The following MCUB variants were observed in gnomAD, a reference collection of about 807,000 sequenced individuals.
The protein encoded by MCUB is mitochondrial calcium uniporter dominant negative subunit beta.
MCUB carries 46 observed loss-of-function variants against 41.4 expected under a neutral mutation model. The observed-to-expected ratio is 1.11, with a 90% confidence interval of 0.88 to 1.42. The LOEUF (loss-of-function observed/expected upper bound fraction) is 1.42, where lower values mean the gene tolerates loss of function less well. Among genes scored for constraint, MCUB ranks in the 40% most tolerant of loss-of-function variants. The pLI is 0.00. For missense variants in MCUB, 403 were observed against 404.9 expected, an observed-to-expected ratio of 1.00 and a Z score of 0.04; for synonymous variants, 148 against 148.2, an observed-to-expected ratio of 1.00 and a Z score of 0.01.
rs1014807534 is a variant in MCUB, at chr4:109,674,635, A to G, written c.452-7947A>G. Among the ~76,000 whole-genome samples the G allele has an allele frequency of 3.9e-5, 6 of 152,342 alleles. 1 individual carries two copies. The highest frequency in any genetic ancestry group is 8.8e-5 in the Non-Finnish European group (6 of 68,042). ...TGACAATATATGTGCATGTGTTTAA[A>G]CCAAATCCAGAAAGCTTAAACAATA... On this transcript the variant is annotated intron_variant, in intron 4 of 7. Transcript: ENST00000394650.
chr4:109,623,385 TG>T (rs1433418435), intron 1 of MCUB, among the ~76,000 whole-genome samples: 2 of 152,140 alleles, frequency 1.3e-5, no homozygotes, highest in African/African-American at 4.8e-5. Context: ...TATACACAAG[TG>T]TTTATGGCAA....
At chr4:109,614,587 AT>A (rs1356583971) in intron 1 of MCUB, among the ~76,000 whole-genome samples, 6 of 151,112 alleles carry the variant, frequency 4.0e-5, no homozygotes, top group African/African-American at 1.5e-4. Flanking sequence ...ACTGTGAGAA[AT>A]AAATTTCTGT....
intron 1 of MCUB, among the ~76,000 whole-genome samples, chr4:109,606,896 G>A (rs557076213): frequency 6.6e-6 from 1 of 152,006 alleles, no homozygotes; most frequent in African/African-American, 2.4e-5. Context: ...ACAGGCACCT[G>A]CCACCACGCC....
rs905421054 is a variant in MCUB at position 109,599,715 on chromosome 4, G to A, written c.99+39279G>A. Among the ~76,000 whole-genome samples the A allele has an allele frequency of 4.6e-5, 7 of 151,912 alleles. No individual in the cohort carries two copies. The South Asian group carries it at 1.3e-3, about 27-fold the overall frequency. ...AGACAGAATCTCGCTCTGTCGCCCA[G>A]GCTGGAACAGTGGCACAATCTTGGC... On this transcript the variant is annotated intron_variant, in intron 1 of 7. Coordinates refer to ENST00000394650, the MANE Select transcript of MCUB (RefSeq NM_017918.5).
At chr4:109,672,620 G>C (rs1202302159) in intron 4 of MCUB, among the ~76,000 whole-genome samples, 1 of 152,220 alleles carries the variant, frequency 6.6e-6, no homozygotes, top group African/African-American at 2.4e-5. Context: ...GAGGTGCTGA[G>C]CATCTACTGG....
intron 1 of MCUB, among the ~76,000 whole-genome samples, chr4:109,642,120 A>G (rs1728728147): frequency 6.6e-6 from 1 of 152,196 alleles, no homozygotes; most frequent in Non-Finnish European, 1.5e-5. Flanking sequence ...CCTGAAACAT[A>G]TGATTTTGAA....
chr4:109,670,172 G>A (rs1280484707), intron 4 of MCUB, among the ~76,000 whole-genome samples: 1 of 152,140 alleles, frequency 6.6e-6, no homozygotes, highest in African/African-American at 2.4e-5. Context: ...GGTATGGAGG[G>A]GAAGTGTTCT....
At chr4:109,628,108 G>C (rs1728401132) in intron 1 of MCUB, among the ~76,000 whole-genome samples, 1 of 152,130 alleles carries the variant, frequency 6.6e-6, no homozygotes, top group African/African-American at 2.4e-5. Flanking sequence ...GGTCAGGAGA[G>C]GCCCTCTTGA....
chr4:109,625,968 G>A (rs1728351680), intron 1 of MCUB, among the ~76,000 whole-genome samples: 1 of 152,156 alleles, frequency 6.6e-6, no homozygotes, highest in African/African-American at 2.4e-5. Context: ...TTCGTCCTCA[G>A]TGTTAAAGCT....
chr4:109,602,326 A>G (rs1297996251), intron 1 of MCUB, among the ~76,000 whole-genome samples: 1 of 152,180 alleles, frequency 6.6e-6, no homozygotes, highest in African/African-American at 2.4e-5. Flanking sequence ...GTTTTCTTGT[A>G]GTAGTTTTGT....
intron 5 of MCUB, 192 bp downstream of exon 5, chr4:109,682,934 C>T (rs553298161): frequency 6.2e-5 from 32 of 512,466 alleles, no homozygotes; most frequent in Admixed American, 1.7e-4. Flanking sequence ...AGAGCTGTAT[C>T]GCTAATACAT....
intron 1 of MCUB, among the ~76,000 whole-genome samples, chr4:109,631,578 A>G (rs1728475448): frequency 6.6e-6 from 1 of 152,232 alleles, no homozygotes; most frequent in Admixed American, 6.5e-5. Flanking sequence ...AAGGAAAAAA[A>G]GAGGAAGTAT....
chr4:109,576,507 A>AT (rs1461226411), intron 1 of MCUB, among the ~76,000 whole-genome samples: 2 of 146,720 alleles, frequency 1.4e-5, no homozygotes, highest in East Asian at 4.0e-4. Flanking sequence ...GTAGAAAAAG[A>AT]TAACATTTGC....
intron 1 of MCUB, among the ~76,000 whole-genome samples, chr4:109,590,583 G>A (rs1579053458): frequency 6.6e-6 from 1 of 152,166 alleles, no homozygotes; most frequent in Non-Finnish European, 1.5e-5. Flanking sequence ...AAAAACAGCG[G>A]ACTTCCATGC....
chr4:109,598,452 C>T (rs1191566498), intron 1 of MCUB, among the ~76,000 whole-genome samples: 5 of 152,250 alleles, frequency 3.3e-5, no homozygotes, highest in African/African-American at 1.2e-4. Flanking sequence ...GAAAACCAGT[C>T]AGGCGTGGCA....
At chr4:109,673,799 G>A in intron 4 of MCUB, 1 of 655,198 alleles carries the variant, frequency 1.5e-6, no homozygotes, top group Non-Finnish European at 2.8e-6. Context: ...CGGTTGGCGG[G>A]TGAGAGGTTT....
At chr4:109,645,791 C>A (rs1728822229) in intron 1 of MCUB, among the ~76,000 whole-genome samples, 1 of 152,172 alleles carries the variant, frequency 6.6e-6, no homozygotes, top group Non-Finnish European at 1.5e-5. Context: ...ACCATCTCTT[C>A]CTTCCCTCCT....
At chr4:109,625,514 G>C (rs1021629624) in intron 1 of MCUB, among the ~76,000 whole-genome samples, 5 of 152,216 alleles carry the variant, frequency 3.3e-5, no homozygotes, top group African/African-American at 1.2e-4. Flanking sequence ...CTGTAGGCTA[G>C]TGTAAGCATG....
intron 1 of MCUB, among the ~76,000 whole-genome samples, chr4:109,583,020 T>C (rs921537829): frequency 6.6e-6 from 1 of 152,184 alleles, no homozygotes; most frequent in East Asian, 1.9e-4. Context: ...TTTTTCTTTT[T>C]GCTTAGGATT....
Sources: gnomAD v4.1 joint callset for allele counts (sites outside exome capture counted in the v4.1 genomes callset) on GRCh38, gnomAD v4.1.1 for gene constraint, MANE v1.5 for transcripts, NCBI Gene and HGNC (gene_info 2026-07-23, HGNC 2026-07-21) for gene names.